CWF19L2: variants seen among roughly 807,000 people sequenced by gnomAD.
The protein encoded by CWF19L2 is CWF19-like protein 2.
In CWF19L2, 98 loss-of-function variants were observed where a neutral mutation model predicts 111.7. The observed-to-expected ratio is 0.88, with a 90% CI of 0.75 to 1.04. The LOEUF (loss-of-function observed/expected upper bound fraction) is 1.04. CWF19L2 is among the 50% of genes least tolerant of loss of function. CWF19L2 has a pLI of 0.00. For synonymous variants in CWF19L2, 351 were observed against 342.9 expected (o/e 1.02, Z -0.26); for missense variants, 1,101 against 1,051.4 (o/e 1.05, Z -0.65).
At chr11:107,449,307 G>A (rs1228629641) in intron 3 of CWF19L2, among the ~76,000 whole-genome samples, 1 of 152,022 alleles carries the variant, frequency 6.6e-6, no homozygotes, top group African/African-American at 2.4e-5. Context: ...TACAATGTCT[G>A]CAAATCCATA....
At position 107,336,547 on chromosome 11, in the gene CWF19L2, C is replaced by A. The variant is rs1195421622; in HGVS notation, c.2358+11G>T. 1 of 1,588,260 alleles carries A rather than the reference C, an allele frequency of 6.3e-7. No individual in the cohort carries two copies. Among genetic ancestry groups the A allele is most frequent in the Non-Finnish European group, 8.5e-7 (1 of 1,169,812 alleles). ...AAAATAAGTGTATATGCAAAGACTA[C>A]TTATAAACACCTTAAAATAGATGGG... is the stretch of plus-strand genomic sequence containing the variant. On this transcript the variant is annotated intron_variant, in intron 15 of 17. Transcript: ENST00000282251.
At chr11:107,395,837 T>TA (rs1003568367) in intron 10 of CWF19L2, among the ~76,000 whole-genome samples, 10 of 152,212 alleles carry the variant, frequency 6.6e-5, no homozygotes, top group African/African-American at 1.9e-4. Context: ...TGTCTATATT[T>TA]ATCTCTTTTT....
rs1861824266 is a variant in CWF19L2, at chr11:107,454,459, A to G, written c.330T>C (p.Asp110=). The part of the protein sequence containing the change: ...QKYEKNNESS[D]SSSSSEDEWV... Reference sequence around the variant, plus strand: ...TTTAGTACATACTTACTGATGAGCTATCAGATGACTCATTGTTTTTTTCAT... The same window carrying G: ...TTTAGTACATACTTACTGATGAGCTGTCAGATGACTCATTGTTTTTTTCAT... Residue 110 remains aspartate (D), a synonymous_variant, in exon 3 of 18, where the codon GAT becomes GAC. Transcript: ENST00000282251. 6.9e-7 allele frequency: 1 copy of G among 1,440,710 alleles called. No homozygotes were observed. The highest frequency in any genetic ancestry group is 9.1e-7 in the Non-Finnish European group (1 of 1,100,472). The allele number at this position is 1,440,710 out of a possible 1,614,324, so 89.2% of individuals were successfully genotyped here.
intron 7 of CWF19L2, among the ~76,000 whole-genome samples, chr11:107,430,624 A>G (rs1206401017): frequency 6.6e-6 from 1 of 152,178 alleles, no homozygotes; most frequent in Non-Finnish European, 1.5e-5. Flanking sequence ...TCAAGTCTAA[A>G]TAACTGTTCT....
At position 107,414,038 on chromosome 11, in the gene CWF19L2, T is replaced by C. The variant is rs529907323; in HGVS notation, c.1617+2171A>G. Among the ~76,000 whole-genome samples the C allele has an allele frequency of 2.5e-4, 38 of 152,304 alleles. No homozygotes were observed. The South Asian group carries it at 7.9e-3, about 32-fold the overall frequency. Reference sequence around the variant, plus strand: ...TACATCCTTGCCCTGCACTTACCAGTTGTATACCTGGACAAGTTACTTAGC... The same window carrying C: ...TACATCCTTGCCCTGCACTTACCAGCTGTATACCTGGACAAGTTACTTAGC... On this transcript the variant is annotated intron_variant, in intron 10 of 17. Transcript: ENST00000282251.
chr11:107,388,446 G>T (rs902007232), intron 12 of CWF19L2, among the ~76,000 whole-genome samples: 11 of 151,800 alleles, frequency 7.2e-5, no homozygotes, highest in African/African-American at 2.7e-4. Flanking sequence ...GCAGTGGCAC[G>T]ATCTCAGGTC....
chr11:107,387,474 C>CAA (rs201682926), intron 12 of CWF19L2, among the ~76,000 whole-genome samples: 8 of 145,406 alleles, frequency 5.5e-5, no homozygotes, highest in East Asian at 2.0e-4. Flanking sequence ...AAACAAAAAA[C>CAA]AAAAAAAACC....
intron 12 of CWF19L2, among the ~76,000 whole-genome samples, chr11:107,363,601 A>T (rs7942303): frequency 8.1e-6 from 1 of 122,904 alleles, no homozygotes; most frequent in African/African-American, 3.5e-5. Context: ...GAAATAAAAT[A>T]CTTTACAGAC....
chr11:107,405,850 A>AAAAAGAAGAAG (rs5794548), intron 10 of CWF19L2, among the ~76,000 whole-genome samples: 2 of 141,812 alleles, frequency 1.4e-5, no homozygotes, highest in African/African-American at 5.3e-5. Flanking sequence ...AAAAAAAAAA[A>AAAAAGAAGAAG]AAGAAGAAGA....
chr11:107,361,220 C>T (rs555032), intron 12 of CWF19L2, among the ~76,000 whole-genome samples: 2,357 of 152,254 alleles, frequency 0.015, 54 homozygotes, highest in African/African-American at 0.054. Flanking sequence ...TATCTTTTCC[C>T]CGGTGTATGT....
chr11:107,353,669 C>T lies in CWF19L2; in HGVS notation c.1940G>A (p.Arg647Lys). Residue 647 changes from arginine (R) to lysine (K), a missense_variant, in exon 13 of 18, where the codon AGA becomes AAA. By Grantham distance (26) the Arg-to-Lys change is conservative (BLOSUM62 2). Transcript: ENST00000282251. The part of the protein sequence containing the change: ...DDMFVSKAAE[R>K]ERLGEEEENQ... The stretch of plus-strand genomic sequence containing the variant: ...CTCTTCCTCTTCACCAAGACGTTCT[C>T]TCTCAGCTGCTTTGGAGACAAACAT... 1 of 1,613,796 alleles carries T rather than the reference C, an allele frequency of 6.2e-7. No individual in the cohort carries two copies. Among genetic ancestry groups the T allele is most frequent in the South Asian group, 1.1e-5 (1 of 91,072 alleles).
intron 12 of CWF19L2, among the ~76,000 whole-genome samples, chr11:107,381,517 G>T (rs1028672768): frequency 1.3e-5 from 2 of 152,070 alleles, no homozygotes; most frequent in African/African-American, 4.8e-5. Flanking sequence ...TCCTTTAGGG[G>T]ATATCACAGG....
chr11:107,336,712 A>T lies in CWF19L2; in HGVS notation c.2204T>A (p.Met735Lys). Residue 735 changes from methionine (M) to lysine (K), a missense_variant and splice_region_variant, in exon 15 of 18, where the codon ATG (methionine) becomes AAG (lysine). Coordinates refer to ENST00000282251, the MANE Select transcript of CWF19L2 (RefSeq NM_152434.3). ...CATCTTTACCAATGATTTTCTGAAC[A>T]TCTAAAAAAAAAAAAGAACTAGGTA... Reference protein sequence around the residue: ...LDEDIWEEIQMFRKSLVKMFE... With the variant: ...LDEDIWEEIQKFRKSLVKMFE... The T allele has an allele frequency of 7.0e-7, 1 of 1,424,102 alleles. No homozygotes were observed. Among genetic ancestry groups the T allele is most frequent in the Non-Finnish European group, 9.4e-7 (1 of 1,066,868 alleles). 88.2% of individuals were successfully genotyped at this position (1,424,102 alleles called of 1,614,324 possible). A position where few individuals can be genotyped will look rare whatever the true frequency, so the allele number is the denominator to read the frequency against.
intron 10 of CWF19L2, among the ~76,000 whole-genome samples, chr11:107,411,184 C>A (rs607042): frequency 0.015 from 2,343 of 151,976 alleles, 53 homozygotes; most frequent in African/African-American, 0.054. Context: ...AAATTTCTGA[C>A]CCATTATTCT....
intron 10 of CWF19L2, among the ~76,000 whole-genome samples, chr11:107,400,265 A>G (rs1020129951): frequency 1.3e-5 from 2 of 152,148 alleles, no homozygotes; most frequent in African/African-American, 4.8e-5. Context: ...ACCACAAAAG[A>G]TAAATGAAAT....
At chr11:107,394,943 C>T (rs1860900738) in intron 10 of CWF19L2, among the ~76,000 whole-genome samples, 1 of 152,196 alleles carries the variant, frequency 6.6e-6, no homozygotes, top group Non-Finnish European at 1.5e-5. Context: ...GTATGGCCCA[C>T]AGACCATCCC....
chr11:107,335,096 G>T, intron 15 of CWF19L2, 135 bp from the exon 16 acceptor site: 4 of 519,862 alleles, frequency 7.7e-6, no homozygotes, highest in South Asian at 3.4e-5. Context: ...ACTGATTAAG[G>T]CTTTTAGTTA....
intron 3 of CWF19L2, among the ~76,000 whole-genome samples, chr11:107,448,287 G>A (rs1401019918): frequency 1.5e-5 from 2 of 137,320 alleles, no homozygotes; most frequent in Non-Finnish European, 3.0e-5. Flanking sequence ...GGAGGTTGCA[G>A]TGAGCTGAGA....
At chr11:107,421,880 CAT>C (rs1237044667) in intron 8 of CWF19L2, among the ~76,000 whole-genome samples, 2 of 152,032 alleles carry the variant, frequency 1.3e-5, no homozygotes, top group East Asian at 3.9e-4. Flanking sequence ...GAAAGGAAAG[CAT>C]ATGTCAACAC....
Sources: gnomAD v4.1 joint callset for allele counts (sites outside exome capture counted in the v4.1 genomes callset) on GRCh38, gnomAD v4.1.1 for gene constraint, MANE v1.5 for transcripts, NCBI Gene and HGNC (gene_info 2026-07-23, HGNC 2026-07-21) for gene names.